CSGALNACT1: variants seen among roughly 807,000 people sequenced by gnomAD.
CSGALNACT1 encodes beta4GalNAcT-1.
In CSGALNACT1, 52 loss-of-function variants were observed where a neutral mutation model predicts 51.0. The ratio of observed to expected loss-of-function variants is 1.02; its 90% CI spans 0.82 to 1.29. The LOEUF (loss-of-function observed/expected upper bound fraction) is 1.29. Ranked by LOEUF, CSGALNACT1 falls within the 50% of genes most tolerant of loss-of-function variation. The pLI, the probability that CSGALNACT1 is intolerant of heterozygous loss-of-function variation, is 0.00. For synonymous variants in CSGALNACT1, 341 were observed against 254.4 expected (o/e 1.34, Z -3.24); for missense variants, 935 against 679.2 (o/e 1.38, Z -4.19).
upstream of CSGALNACT1, among the ~76,000 whole-genome samples, chr8:19,605,654 G>C (rs2051271876): frequency 6.6e-6 from 1 of 152,130 alleles, no homozygotes; most frequent in African/African-American, 2.4e-5. Flanking sequence ...GAGCGGCTGA[G>C]AAACCATCCA....
intron 6 of CSGALNACT1, among the ~76,000 whole-genome samples, chr8:19,427,787 CA>C (rs918559547): frequency 7.9e-4 from 112 of 141,906 alleles, no homozygotes; most frequent in Admixed American, 2.0e-3. Flanking sequence ...GACTCCACTT[CA>C]AAAAAAAAAA....
chr8:19,525,462 A>G (rs1371628092), intron 3 of CSGALNACT1, among the ~76,000 whole-genome samples: 1 of 151,400 alleles, frequency 6.6e-6, no homozygotes, highest in Non-Finnish European at 1.5e-5. Context: ...AAAAAGAAAA[A>G]AAAAATTAGC....
intron 3 of CSGALNACT1, among the ~76,000 whole-genome samples, chr8:19,539,392 G>C (rs1267571143): frequency 2.0e-5 from 3 of 152,060 alleles, no homozygotes; most frequent in Middle Eastern, 3.2e-3. Context: ...TTCCCTTCAA[G>C]AAAGCTAAGT....
chr8:19,699,732 G>C (rs1420221058), intron 1 of CSGALNACT1, among the ~76,000 whole-genome samples: 2 of 152,200 alleles, frequency 1.3e-5, no homozygotes, highest in Admixed American at 1.3e-4. Context: ...AAAAGAATGT[G>C]AATCTACCTA....
At chr8:19,687,995 A>C (rs1270437450) in intron 1 of CSGALNACT1, among the ~76,000 whole-genome samples, 1 of 152,212 alleles carries the variant, frequency 6.6e-6, no homozygotes, top group African/African-American at 2.4e-5. Flanking sequence ...GTGGTTTGCA[A>C]GGTACAATTT....
intron 1 of CSGALNACT1, among the ~76,000 whole-genome samples, chr8:19,622,617 T>G (rs908533394): frequency 1.3e-5 from 2 of 152,210 alleles, no homozygotes; most frequent in Non-Finnish European, 2.9e-5. Context: ...AAAAGTATTT[T>G]AAAGCCCTTG....
intron 3 of CSGALNACT1, among the ~76,000 whole-genome samples, chr8:19,531,214 T>C (rs890291745): frequency 2.6e-5 from 4 of 152,234 alleles, no homozygotes; most frequent in African/African-American, 9.6e-5. Flanking sequence ...ATCATCTTTA[T>C]TTTAGAGTTG....
At chr8:19,523,282 G>A (rs1185808918) in intron 3 of CSGALNACT1, among the ~76,000 whole-genome samples, 1 of 152,154 alleles carries the variant, frequency 6.6e-6, no homozygotes, top group African/African-American at 2.4e-5. Context: ...TTACTTATTT[G>A]GAGACAGGTT....
intron 6 of CSGALNACT1, among the ~76,000 whole-genome samples, chr8:19,429,280 G>A (rs963405390): frequency 6.6e-6 from 1 of 152,180 alleles, no homozygotes; most frequent in Non-Finnish European, 1.5e-5. Flanking sequence ...GGTTTCAAGT[G>A]ATTCTCCTGC....
chr8:19,513,439 T>TCA (rs1247287757), intron 3 of CSGALNACT1, among the ~76,000 whole-genome samples: 2 of 105,272 alleles, frequency 1.9e-5, no homozygotes, highest in African/African-American at 9.9e-5. Flanking sequence ...TCTCTCTCTA[T>TCA]ATATATATAT....
At chr8:19,524,620 T>A (rs112510229) in intron 3 of CSGALNACT1, among the ~76,000 whole-genome samples, 19 of 152,252 alleles carry the variant, frequency 1.2e-4, no homozygotes, top group African/African-American at 4.1e-4. Flanking sequence ...AGTCTCAAGA[T>A]TGATATAAAT....
chr8:19,514,758 G>C (rs562802902), intron 3 of CSGALNACT1, among the ~76,000 whole-genome samples: 11 of 151,310 alleles, frequency 7.3e-5, no homozygotes, highest in African/African-American at 2.4e-4. Context: ...ACTTGAACCT[G>C]GGAGGTGGAG....
At chr8:19,439,088 A>T (rs1049350697) in intron 6 of CSGALNACT1, among the ~76,000 whole-genome samples, 15 of 152,218 alleles carry the variant, frequency 9.9e-5, no homozygotes, top group African/African-American at 3.6e-4. Flanking sequence ...CTCCAGGGCA[A>T]ACTACAGGCC....
intron 1 of CSGALNACT1, among the ~76,000 whole-genome samples, chr8:19,614,778 G>C (rs2052767383): frequency 6.6e-6 from 1 of 152,188 alleles, no homozygotes; most frequent in African/African-American, 2.4e-5. Flanking sequence ...CTGAAGGCAA[G>C]AAGGAAAGTG....
chr8:19,636,607 A>G (rs1331451579), intron 1 of CSGALNACT1, among the ~76,000 whole-genome samples: 1 of 152,192 alleles, frequency 6.6e-6, no homozygotes, highest in African/African-American at 2.4e-5. Context: ...CACCTGAACA[A>G]GACCTGTCTT....
intron 4 of CSGALNACT1, among the ~76,000 whole-genome samples, chr8:19,467,777 G>A (rs924497818): frequency 1.3e-5 from 2 of 152,140 alleles, no homozygotes; most frequent in African/African-American, 4.8e-5. Context: ...TTGAGCCTAG[G>A]AGTTCCAGAT....
chr8:19,486,286 C>T (rs1000634640), intron 4 of CSGALNACT1, among the ~76,000 whole-genome samples: 1 of 152,140 alleles, frequency 6.6e-6, no homozygotes, highest in Non-Finnish European at 1.5e-5. Flanking sequence ...CCACTCTCAC[C>T]TGCTGCCTGG....
At chr8:19,756,503 C>T (rs2065385676) in intron 1 of CSGALNACT1, among the ~76,000 whole-genome samples, 1 of 152,178 alleles carries the variant, frequency 6.6e-6, no homozygotes, top group South Asian at 2.1e-4. Context: ...AATGCAGGTG[C>T]AGGAAGTGCG....
At position 19,666,801 on chromosome 8, in the gene CSGALNACT1, A is replaced by G. The variant is rs993620923; in HGVS notation, c.-544+15672T>C. Among the ~76,000 whole-genome samples the G allele has an allele frequency of 4.4e-3, 95 of 21,722 alleles. 2 individuals carry two copies. The highest frequency in any genetic ancestry group is 0.019 in the East Asian group (23 of 1,188). The allele number at this position is 21,722 out of a possible 152,430, so 14.3% of individuals were successfully genotyped here. On this transcript the variant is annotated intron_variant, in intron 1 of 9. Transcript: ENST00000332246. ...AAAGAAAGAAAGAAAGAAAGAAAGA[A>G]AGAAAGAAAGAGAGAGAGAGAGAGA...
Sources: allele counts gnomAD v4.1 joint callset (sites outside exome capture counted in the v4.1 genomes callset), GRCh38; gene constraint gnomAD v4.1.1; transcripts MANE v1.5; gene names NCBI Gene and HGNC (gene_info 2026-07-23, HGNC 2026-07-21).